The following MIPOL1 variants were observed in gnomAD, a reference collection of about 807,000 sequenced individuals.
MIPOL1 encodes the protein mirror-image polydactyly gene 1 protein.
Under a neutral mutation model 60.9 loss-of-function variants are expected in MIPOL1, and 57 were observed. The observed-to-expected ratio is 0.94, with a 90% CI of 0.76 to 1.17. MIPOL1 has a LOEUF of 1.17. MIPOL1 is among the 50% of genes most tolerant of loss of function. The pLI, the probability that MIPOL1 is intolerant of heterozygous loss-of-function variation, is 0.00. For missense variants in MIPOL1, 551 were observed against 511.6 expected, an observed-to-expected ratio of 1.08 and a Z score of -0.74; for synonymous variants, 179 against 168.8, an observed-to-expected ratio of 1.06 and a Z score of -0.47.
intron 12 of MIPOL1, among the ~76,000 whole-genome samples, chr14:37,510,961 A>T (rs1177736330): frequency 2.0e-5 from 3 of 152,124 alleles, no homozygotes; most frequent in Admixed American, 6.6e-5. Context: ...CCTGTTGATC[A>T]GATTTTAACC....
chr14:37,360,471 A>G (rs1370742900), intron 9 of MIPOL1, among the ~76,000 whole-genome samples: 1 of 152,126 alleles, frequency 6.6e-6, no homozygotes, highest in Non-Finnish European at 1.5e-5. Context: ...TCAGTAGGCT[A>G]TTAGTTATTG....
intron 12 of MIPOL1, among the ~76,000 whole-genome samples, chr14:37,527,219 T>G (rs1450485222): frequency 6.6e-6 from 1 of 150,606 alleles, no homozygotes; most frequent in African/African-American, 2.4e-5. Flanking sequence ...ATTTTGCATG[T>G]TTTTTTTTAA....
chr14:37,541,972 C>T (rs2095531490), intron 12 of MIPOL1, among the ~76,000 whole-genome samples: 1 of 152,206 alleles, frequency 6.6e-6, no homozygotes, highest in Non-Finnish European at 1.5e-5. Flanking sequence ...AAGACTTCTT[C>T]AGCCATACGT....
intron 12 of MIPOL1, chr14:37,523,551 T>G: frequency 4.7e-6 from 2 of 429,660 alleles, no homozygotes; most frequent in Non-Finnish European, 8.2e-6. Flanking sequence ...GAAGAAAGAT[T>G]GTTGCACATT....
At chr14:37,335,929 A>G (rs2090072039) in intron 9 of MIPOL1, among the ~76,000 whole-genome samples, 1 of 151,962 alleles carries the variant, frequency 6.6e-6, no homozygotes, top group South Asian at 2.1e-4. Context: ...TTTTATCTTT[A>G]GCTGCTTGCG....
intron 12 of MIPOL1, among the ~76,000 whole-genome samples, chr14:37,539,756 AATGAGGCTCTCTATGAAAATAAGGAAT>A (rs1356682925): frequency 2.0e-5 from 3 of 152,210 alleles, no homozygotes; most frequent in Non-Finnish European, 4.4e-5. Flanking sequence ...TAGAAGAGCC[AATGAGGCTCTCTATGAAAATAAGGAAT>A]AATTCTCTGA....
At chr14:37,387,850 C>G (rs1376931542) in intron 10 of MIPOL1, among the ~76,000 whole-genome samples, 2 of 151,322 alleles carry the variant, frequency 1.3e-5, no homozygotes, top group Middle Eastern at 6.8e-3. Flanking sequence ...TAATATTTTC[C>G]TATGTAATTC....
At chr14:37,427,865 CTA>C (rs944511500) in intron 11 of MIPOL1, among the ~76,000 whole-genome samples, 5 of 152,006 alleles carry the variant, frequency 3.3e-5, no homozygotes, top group African/African-American at 1.2e-4. Flanking sequence ...ACTAATTTTC[CTA>C]TGTTATAGAG....
intron 9 of MIPOL1, among the ~76,000 whole-genome samples, chr14:37,312,835 T>G (rs2087475205): frequency 6.6e-6 from 1 of 152,164 alleles, no homozygotes; most frequent in Admixed American, 6.5e-5. Flanking sequence ...CCTATTTTAT[T>G]CGAATTGTAG....
rs2095524353 is a variant in MIPOL1 at position 37,540,254 on chromosome 14, C to A, written c.1263-6651C>A. Among the ~76,000 whole-genome samples the A allele has an allele frequency of 3.9e-5, 6 of 152,144 alleles. No individual in the cohort carries two copies. In the South Asian group the frequency reaches 1.2e-3, roughly 32 times the overall value. On this transcript the variant is annotated intron_variant, in intron 12 of 12. Coordinates refer to ENST00000684589, the MANE Select transcript of MIPOL1 (RefSeq NM_001388067.1). ...AACCCATTTTCCCATCTACTTCTAC[C>A]TTCACCTTTTCACTTATGAATTCAT...
At chr14:37,529,530 G>T (rs1015466694) in intron 12 of MIPOL1, among the ~76,000 whole-genome samples, 3 of 151,954 alleles carry the variant, frequency 2.0e-5, no homozygotes, top group African/African-American at 7.3e-5. Context: ...GTATATGTAT[G>T]TATATATATA....
At chr14:37,210,173 C>A (rs973626933) in intron 1 of MIPOL1, among the ~76,000 whole-genome samples, 1 of 151,968 alleles carries the variant, frequency 6.6e-6, no homozygotes, top group African/African-American at 2.4e-5. Context: ...TTTTCCCCAC[C>A]AACAAGCAGT....
At chr14:37,355,429 A>G (rs2091739205) in intron 9 of MIPOL1, among the ~76,000 whole-genome samples, 1 of 149,150 alleles carries the variant, frequency 6.7e-6, no homozygotes, top group Non-Finnish European at 1.5e-5. Context: ...CGTTCTCTGT[A>G]TTTCCTGAAT....
chr14:37,383,359 T>C (rs1256432095), intron 10 of MIPOL1, among the ~76,000 whole-genome samples: 1 of 151,914 alleles, frequency 6.6e-6, no homozygotes, highest in Non-Finnish European at 1.5e-5. Context: ...TTTGTCCTTC[T>C]TTCTTAAAAG....
intron 12 of MIPOL1, among the ~76,000 whole-genome samples, chr14:37,543,584 T>A (rs2153642448): frequency 6.6e-6 from 1 of 152,342 alleles, no homozygotes; most frequent in East Asian, 1.9e-4. Flanking sequence ...GCCTGACATA[T>A]TTTTTAATTG....
intron 7 of MIPOL1, among the ~76,000 whole-genome samples, chr14:37,296,258 A>G (rs1422744935): frequency 6.6e-6 from 1 of 152,254 alleles, no homozygotes; most frequent in African/African-American, 2.4e-5. Context: ...GAAACCAACG[A>G]GAACAAAGAA....
At chr14:37,381,748 A>G (rs61988191) in intron 10 of MIPOL1, among the ~76,000 whole-genome samples, 1 of 141,984 alleles carries the variant, frequency 7.0e-6, no homozygotes, top group African/African-American at 2.5e-5. Context: ...GTGCCCTGCT[A>G]ATTTTTTTTT....
chr14:37,510,963 A>T (rs2095323565), intron 12 of MIPOL1, among the ~76,000 whole-genome samples: 1 of 152,104 alleles, frequency 6.6e-6, no homozygotes, highest in African/African-American at 2.4e-5. Flanking sequence ...TGTTGATCAG[A>T]TTTTAACCAC....
At position 37,512,862 on chromosome 14, in the gene MIPOL1, G is replaced by A. The variant is rs77158613; in HGVS notation, c.1262+12724G>A. Among the ~76,000 whole-genome samples, 559 of 152,162 alleles carry A rather than the reference G, an allele frequency of 3.7e-3. 5 individuals are homozygous for A. The highest frequency in any genetic ancestry group is 0.033 in the East Asian group (173 of 5,178). On this transcript the variant is annotated intron_variant, in intron 12 of 12. Coordinates refer to ENST00000684589, the MANE Select transcript of MIPOL1 (RefSeq NM_001388067.1). ...TTTGATTTATTAGTACTATTAATAAGTGGGAGGAGACCTAAAACTTCTAGA... is the reference window on the plus strand; with the variant it reads ...TTTGATTTATTAGTACTATTAATAAATGGGAGGAGACCTAAAACTTCTAGA...
Sources: gnomAD v4.1 joint callset for allele counts (sites outside exome capture counted in the v4.1 genomes callset) on GRCh38, gnomAD v4.1.1 for gene constraint, MANE v1.5 for transcripts, NCBI Gene and HGNC (gene_info 2026-07-23, HGNC 2026-07-21) for gene names.